The following VSIG4 variants were observed in gnomAD, a reference collection of about 807,000 sequenced individuals.
The protein encoded by VSIG4 is V-set and immunoglobulin domain containing 4.
Under a neutral mutation model 23.4 loss-of-function variants are expected in VSIG4, and 34 were observed. That is an observed-to-expected ratio of 1.45 (90% confidence interval 1.10 to 1.93). The LOEUF (loss-of-function observed/expected upper bound fraction) is 1.93. Among genes scored for constraint, VSIG4 ranks in the 30% most tolerant of loss-of-function variants. The pLI, the probability that VSIG4 is intolerant of heterozygous loss-of-function variation, is 0.00. For synonymous variants in VSIG4, 169 were observed against 120.3 expected (o/e 1.41, Z -2.65); for missense variants, 433 against 310.8 (o/e 1.39, Z -2.96).
At chrX:66,032,344 G>T in intron 3 of VSIG4, 124 bp downstream of exon 3, 3 of 901,124 alleles carry the variant, frequency 3.3e-6, no homozygotes, top group Admixed American at 3.5e-5. Context: ...CTTTGTGATT[G>T]TACAACCATT....
At position 66,038,119 on chromosome X, in the gene VSIG4, T is replaced by C. The variant is rs773009637; in HGVS notation, c.55+1825A>G. Among the ~76,000 whole-genome samples, 12 of 111,748 alleles carry C rather than the reference T, an allele frequency of 1.1e-4. No individual in the cohort carries two copies. In the Admixed American group the frequency reaches 1.2e-3, roughly 11 times the overall value. The stretch of plus-strand genomic sequence containing the variant: ...GTTTCTGAAATGTTTAAAATGTATA[T>C]AAAATGTGAATATTAGAAATTTTTT... On this transcript the variant is annotated intron_variant, in intron 1 of 7. Transcript: ENST00000374737.
intron 1 of VSIG4, among the ~76,000 whole-genome samples, chrX:66,036,013 T>G (rs751365042): frequency 8.9e-6 from 1 of 111,962 alleles, no homozygotes; most frequent in Non-Finnish European, 1.9e-5. Flanking sequence ...TAGTCTCAAT[T>G]TCTCAGTTTT....
chrX:66,036,706 AATTATATAATATATAT>A (rs1171763166), intron 1 of VSIG4, among the ~76,000 whole-genome samples: 1 of 55,421 alleles, frequency 1.8e-5, no homozygotes, highest in East Asian at 5.4e-4. Context: ...AATATATTAT[AATTATATAATATATAT>A]ATTATATAAT....
At chrX:66,037,023 T>G (rs1327469571) in intron 1 of VSIG4, among the ~76,000 whole-genome samples, 1 of 40,018 alleles carries the variant, frequency 2.5e-5, no homozygotes, top group East Asian at 1.1e-3. Flanking sequence ...TCATATAATA[T>G]AATATATAAT....
intron 3 of VSIG4, among the ~76,000 whole-genome samples, chrX:66,030,164 A>G (rs1025255384): frequency 1.8e-5 from 2 of 111,449 alleles, no homozygotes; most frequent in Admixed American, 9.5e-5. Flanking sequence ...GAAATGGCCA[A>G]CAGGATCCAC....
chrX:66,036,957 ATAT>A (rs1229064356), intron 1 of VSIG4, among the ~76,000 whole-genome samples: 2 of 35,942 alleles, frequency 5.6e-5, no homozygotes, highest in Non-Finnish European at 7.9e-5. Flanking sequence ...ATATTATATT[ATAT>A]TATATAATAT....
At chrX:66,039,029 A>G (rs1415245945) in intron 1 of VSIG4, among the ~76,000 whole-genome samples, 1 of 108,014 alleles carries the variant, frequency 9.3e-6, no homozygotes, top group Non-Finnish European at 1.9e-5. Flanking sequence ...GTAGATGAGG[A>G]TAGAGCTTCC....
intron 6 of VSIG4, 89 bp from the exon 7 acceptor site, chrX:66,022,951 G>A: frequency 2.0e-6 from 2 of 1,015,177 alleles, no homozygotes; most frequent in Non-Finnish European, 2.8e-6. Flanking sequence ...CAAAAGATGA[G>A]GGAAGGGTAC....
intron 4 of VSIG4, 95 bp from the exon 5 acceptor site, chrX:66,027,621 C>G: frequency 1.5e-6 from 1 of 683,921 alleles, no homozygotes; most frequent in Non-Finnish European, 2.3e-6. Flanking sequence ...CTTCCCTGGC[C>G]ATTTGTGCTG....
intron 3 of VSIG4, among the ~76,000 whole-genome samples, chrX:66,028,677 T>C (rs758158746): frequency 5.6e-5 from 6 of 107,653 alleles, no homozygotes; most frequent in Non-Finnish European, 1.2e-4. Flanking sequence ...GCAAGCTTTG[T>C]GCTGTTTTAA....
At chrX:66,036,617 T>G (rs889382103) in intron 1 of VSIG4, among the ~76,000 whole-genome samples, 42 of 78,555 alleles carry the variant, frequency 5.3e-4, no homozygotes, top group Admixed American at 9.9e-4. Flanking sequence ...AAATATAATA[T>G]AATATATTTA....
rs2085479871 is a variant in VSIG4, at chrX:66,032,747, A to T, written c.415T>A (p.Ser139Thr). ...KITELRVQKL[S>T]VSKPTVTTGS... is the part of the protein sequence containing the mutation. ...GTTGTCACTGTGGGCTTGGAGACAG[A>T]GACTGCAAAGAAAAGACAAGACAGG... The change falls in exon 3 of 8, where the codon TCT (serine) becomes ACT (threonine). Residue 139 changes from serine to threonine, a missense_variant and splice_region_variant. By Grantham distance (58) the Ser-to-Thr change is moderately conservative. Transcript: ENST00000374737. 8.3e-7 allele frequency: 1 copy of T among 1,208,837 alleles called. No homozygotes were observed. The highest frequency in any genetic ancestry group is 1.1e-6 in the Non-Finnish European group (1 of 894,071).
At chrX:66,039,908 C>G in intron 1 of VSIG4, 36 bp downstream of exon 1, 1 of 1,207,377 alleles carries the variant, frequency 8.3e-7, no homozygotes, top group Non-Finnish European at 1.1e-6. Context: ...TTTGCCTAAG[C>G]CAGCAATGGC....
intron 2 of VSIG4, among the ~76,000 whole-genome samples, chrX:66,033,243 C>T (rs189405492): frequency 5.4e-5 from 6 of 110,959 alleles, no homozygotes; most frequent in Admixed American, 9.6e-5. Flanking sequence ...CTGGGACACT[C>T]GAAGGGATAG....
chrX:66,036,214 C>CT (rs760931346), intron 1 of VSIG4, among the ~76,000 whole-genome samples: 141 of 108,858 alleles, frequency 1.3e-3, no homozygotes, highest in African/African-American at 4.5e-3. Flanking sequence ...CTTCCTTCTT[C>CT]TTTTTCTTAT....
intron 3 of VSIG4, 101 bp from the exon 4 acceptor site, chrX:66,028,213 T>C: frequency 1.5e-6 from 1 of 672,151 alleles, no homozygotes; most frequent in South Asian, 2.3e-5. Flanking sequence ...TTCAGGTCCA[T>C]ACTTGGACCT....
chrX:66,022,744 G>A, intron 7 of VSIG4, 97 bp downstream of exon 7: 1 of 1,200,850 alleles, frequency 8.3e-7, no homozygotes, highest in African/African-American at 1.7e-5. Context: ...CTTAGGATTG[G>A]GTCTGTGCCA....
chrX:66,033,449 C>A, intron 2 of VSIG4, 25 bp downstream of exon 2: 1 of 1,143,385 alleles, frequency 8.7e-7, no homozygotes, highest in Non-Finnish European at 1.2e-6. Context: ...ATTATCAGTG[C>A]TTTCCTACCC....
At chrX:66,034,908 A>G (rs1438515915) in intron 1 of VSIG4, among the ~76,000 whole-genome samples, 3 of 110,645 alleles carry the variant, frequency 2.7e-5, no homozygotes, top group Non-Finnish European at 5.7e-5. Context: ...ATATTTAGGC[A>G]ATATATTCAT....
Sources: allele counts gnomAD v4.1 joint callset (sites outside exome capture counted in the v4.1 genomes callset), GRCh38; gene constraint gnomAD v4.1.1; transcripts MANE v1.5; gene names NCBI Gene and HGNC (gene_info 2026-07-23, HGNC 2026-07-21).